FILIP1L: variants seen among roughly 807,000 people sequenced by gnomAD.
FILIP1L encodes the protein filamin A interacting protein 1 like, also known as filamin A-interacting protein 1-like.
FILIP1L carries 55 observed loss-of-function variants against 96.6 expected under a neutral mutation model. The observed-to-expected ratio is 0.57, with a 90% confidence interval of 0.46 to 0.71. FILIP1L has a LOEUF of 0.71. FILIP1L is among the 30% of genes least tolerant of loss of function. The probability of loss-of-function intolerance (pLI) is 0.00; values close to 1 mark genes in which losing one functional copy is unlikely to be tolerated. For missense variants in FILIP1L, 1,304 were observed against 1,321.2 expected (o/e 0.99, Z 0.20); for synonymous variants, 467 against 473.9 (o/e 0.99, Z 0.19).
chr3:99,942,324 G>T (rs1160575042), intron 1 of FILIP1L, among the ~76,000 whole-genome samples: 1 of 152,108 alleles, frequency 6.6e-6, no homozygotes, highest in African/African-American at 2.4e-5. Flanking sequence ...GAAATGACAT[G>T]TTCTCCTGGG....
Position 99,911,119 on chromosome 3 carries a change from T to A in FILIP1L, c.605+13111A>T, listed in dbSNP as rs577968425. On this transcript the variant is annotated intron_variant, in intron 4 of 5. Coordinates refer to ENST00000477258, the MANE Select transcript of FILIP1L (RefSeq NM_001387850.1). Reference sequence around the variant, plus strand: ...AGGTAGCGCATTACACACCCACATCTCCCTTTCTGGGATTTAGGATGAAAT... The same window carrying A: ...AGGTAGCGCATTACACACCCACATCACCCTTTCTGGGATTTAGGATGAAAT... Among the ~76,000 whole-genome samples the A allele has an allele frequency of 1.9e-3, 282 of 152,210 alleles. 1 individual carries two copies. Among genetic ancestry groups the A allele is most frequent in the African/African-American group, 6.5e-3 (271 of 41,550 alleles).
intron 4 of FILIP1L, among the ~76,000 whole-genome samples, chr3:99,900,045 G>A (rs1347404822): frequency 6.6e-6 from 1 of 152,196 alleles, no homozygotes; most frequent in Non-Finnish European, 1.5e-5. Flanking sequence ...AAATATAAAT[G>A]TATGTGAAAG....
intron 1 of FILIP1L, among the ~76,000 whole-genome samples, chr3:99,941,258 A>G (rs1391097545): frequency 6.6e-6 from 1 of 152,184 alleles, no homozygotes; most frequent in Non-Finnish European, 1.5e-5. Flanking sequence ...CTGAAGTGTT[A>G]TAAAGCTCAC....
At position 99,910,395 on chromosome 3, in the gene FILIP1L, A is replaced by G. The variant is rs115963161; in HGVS notation, c.605+13835T>C. Among the ~76,000 whole-genome samples, 834 of 136,658 alleles carry G rather than the reference A, an allele frequency of 6.1e-3. 86 individuals are homozygous for G. Among genetic ancestry groups the G allele is most frequent in the African/African-American group, 0.019 (780 of 40,170 alleles). 89.7% of individuals were successfully genotyped at this position (136,658 alleles called of 152,430 possible). ...TTCTCCTGGCAAGACTAATGTAACA[A>G]AAACAGGGTTCTGTGAGCTTTTAGA... On this transcript the variant is annotated intron_variant, in intron 4 of 5. Coordinates refer to ENST00000477258, the MANE Select transcript of FILIP1L (RefSeq NM_001387850.1).
intron 1 of FILIP1L, among the ~76,000 whole-genome samples, chr3:100,091,304 A>G (rs1280032980): frequency 1.3e-5 from 2 of 151,234 alleles, no homozygotes; most frequent in South Asian, 2.1e-4. Flanking sequence ...AAAAAAAAAG[A>G]AAAAAGAAAC....
chr3:99,948,312 G>A (rs1362423699), intron 1 of FILIP1L, among the ~76,000 whole-genome samples: 1 of 151,946 alleles, frequency 6.6e-6, no homozygotes, highest in African/African-American at 2.4e-5. Flanking sequence ...TAGCAACATA[G>A]TGAGACTGTC....
intron 1 of FILIP1L, among the ~76,000 whole-genome samples, chr3:100,027,305 C>G (rs1248457259): frequency 6.6e-6 from 1 of 152,128 alleles, no homozygotes; most frequent in Non-Finnish European, 1.5e-5. Context: ...CTGTTTACAT[C>G]TGGAAATGAG....
chr3:99,954,683 A>G (rs1046759716), intron 1 of FILIP1L, among the ~76,000 whole-genome samples: 8 of 151,920 alleles, frequency 5.3e-5, no homozygotes, highest in Admixed American at 3.3e-4. Flanking sequence ...AAAATTAGCC[A>G]AGCATGGTGG....
At chr3:99,847,949 T>C (rs999792067) in intron 5 of FILIP1L, 4 of 1,009,526 alleles carry the variant, frequency 4.0e-6, no homozygotes, top group South Asian at 4.4e-5. Flanking sequence ...AATTATTTAC[T>C]GTTTTATAAT....
At chr3:99,964,126 A>G (rs970435630) in intron 1 of FILIP1L, among the ~76,000 whole-genome samples, 1 of 152,044 alleles carries the variant, frequency 6.6e-6, no homozygotes, top group South Asian at 2.1e-4. Flanking sequence ...GATTTACCCT[A>G]TAGACTTATA....
chr3:100,002,574 G>T (rs568938735), intron 1 of FILIP1L, among the ~76,000 whole-genome samples: 1 of 152,192 alleles, frequency 6.6e-6, no homozygotes, highest in African/African-American at 2.4e-5. Context: ...CTGATAAAAA[G>T]TAAAGCTGAT....
At chr3:99,951,033 C>T (rs1708161726) in intron 1 of FILIP1L, among the ~76,000 whole-genome samples, 1 of 152,076 alleles carries the variant, frequency 6.6e-6, no homozygotes, top group Non-Finnish European at 1.5e-5. Flanking sequence ...ACCTCATGCC[C>T]CTCCCTTTGT....
At chr3:100,076,662 C>A (rs534749821) in intron 1 of FILIP1L, among the ~76,000 whole-genome samples, 1 of 152,282 alleles carries the variant, frequency 6.6e-6, no homozygotes, top group East Asian at 1.9e-4. Flanking sequence ...CTTTACTGTT[C>A]ATTTTTCTGA....
At chr3:99,909,637 T>C (rs1257263989) in intron 4 of FILIP1L, among the ~76,000 whole-genome samples, 1 of 152,194 alleles carries the variant, frequency 6.6e-6, no homozygotes, top group Non-Finnish European at 1.5e-5. Context: ...ATAATACTGC[T>C]AATAATAGGG....
At chr3:99,889,185 ATAAC>A (rs983191799) in intron 4 of FILIP1L, among the ~76,000 whole-genome samples, 11 of 152,094 alleles carry the variant, frequency 7.2e-5, no homozygotes, top group Non-Finnish European at 1.3e-4. Context: ...TGGTTTATTA[ATAAC>A]TAACAAGGAT....
chr3:99,967,383 G>A (rs114312381), intron 1 of FILIP1L, among the ~76,000 whole-genome samples: 1,717 of 152,274 alleles, frequency 0.011, 18 homozygotes, highest in African/African-American at 0.025. Flanking sequence ...GAAGCTTCTC[G>A]TGAAGAGTAA....
At chr3:100,018,747 A>G (rs1390311599) in intron 1 of FILIP1L, among the ~76,000 whole-genome samples, 2 of 152,150 alleles carry the variant, frequency 1.3e-5, no homozygotes, top group Non-Finnish European at 2.9e-5. Context: ...AAAAAAAAAA[A>G]AAAAATCAAC....
At chr3:99,934,692 C>T (rs1297184863) in intron 1 of FILIP1L, among the ~76,000 whole-genome samples, 2 of 152,188 alleles carry the variant, frequency 1.3e-5, no homozygotes, top group African/African-American at 4.8e-5. Context: ...CAACAGAAGA[C>T]TGAATGGAGC....
At chr3:99,883,100 A>G (rs1003534322) in intron 4 of FILIP1L, among the ~76,000 whole-genome samples, 1 of 152,216 alleles carries the variant, frequency 6.6e-6, no homozygotes. Context: ...AGATATGTCA[A>G]AAGTCTTGTG....
Sources: allele counts gnomAD v4.1 joint callset (sites outside exome capture counted in the v4.1 genomes callset), GRCh38; gene constraint gnomAD v4.1.1; transcripts MANE v1.5; gene names NCBI Gene and HGNC (gene_info 2026-07-23, HGNC 2026-07-21).